MRPL3: variants seen among roughly 807,000 people sequenced by gnomAD.
The protein encoded by MRPL3 is large ribosomal subunit protein uL3m.
In MRPL3, 43 loss-of-function variants were observed where a neutral mutation model predicts 44.3. The ratio of observed to expected loss-of-function variants is 0.97; its 90% CI spans 0.76 to 1.25. MRPL3 has a LOEUF of 1.25. MRPL3 is among the 50% of genes most tolerant of loss of function. The probability of loss-of-function intolerance (pLI) is 0.00; values close to 1 mark genes in which losing one functional copy is unlikely to be tolerated. For missense variants in MRPL3, 406 were observed against 427.6 expected, an observed-to-expected ratio of 0.95 and a Z score of 0.45; for synonymous variants, 171 against 152.3, an observed-to-expected ratio of 1.12 and a Z score of -0.91.
In MRPL3 at chr3:131,480,133, G is replaced by A. The variant is rs147299326; in HGVS notation, c.629+7547C>T. ...CTTTTAACTCATGATGAACTAATATGGCACAAACATTTTAATCTTTTACTA... is the reference window on the plus strand; with the variant it reads ...CTTTTAACTCATGATGAACTAATATAGCACAAACATTTTAATCTTTTACTA... On this transcript the variant is annotated intron_variant, in intron 6 of 9. Transcript: ENST00000264995. 3.5e-3 allele frequency among the ~76,000 whole-genome samples: 535 copies of A among 152,316 alleles called. 4 individuals carry two copies. Among genetic ancestry groups the A allele is most frequent in the Non-Finnish European group, 5.8e-3 (392 of 68,030 alleles).
At chr3:131,469,140 A>C (rs1176799593) in intron 8 of MRPL3, among the ~76,000 whole-genome samples, 1 of 151,994 alleles carries the variant, frequency 6.6e-6, no homozygotes, top group Non-Finnish European at 1.5e-5. Context: ...ATTTTTTATA[A>C]AAACGGATGT....
rs1322740628 is a variant in MRPL3 at position 131,479,829 on chromosome 3, A to G, written c.629+7851T>C. ...CGCTGCACTCCAGCCTGGGCGAAAGAGCGAGACTCCGTCTCAAAAAAAAGA... is the reference window on the plus strand; with the variant it reads ...CGCTGCACTCCAGCCTGGGCGAAAGGGCGAGACTCCGTCTCAAAAAAAAGA... On this transcript the variant is annotated intron_variant, in intron 6 of 9. Transcript: ENST00000264995. Among the ~76,000 whole-genome samples the G allele has an allele frequency of 3.9e-5, 6 of 152,246 alleles. No homozygotes were observed. In the South Asian group the frequency reaches 1.0e-3, roughly 26 times the overall value.
intron 6 of MRPL3, among the ~76,000 whole-genome samples, chr3:131,484,904 C>T (rs2110706666): frequency 6.6e-6 from 1 of 152,278 alleles, no homozygotes; most frequent in Non-Finnish European, 1.5e-5. Flanking sequence ...GATATGCACA[C>T]ACACATGCGA....
In MRPL3 at chr3:131,462,565, T is replaced by A. The variant is rs1933512813; in HGVS notation, c.*158A>T. The stretch of plus-strand genomic sequence containing the variant: ...ATGTGGTAATTTTTCTAACAAAATT[T>A]AATGGGGGTATGAATGATATATTTA... On this transcript the variant is annotated 3_prime_UTR_variant, in exon 10 of 10. Coordinates refer to ENST00000264995, the MANE Select transcript of MRPL3 (RefSeq NM_007208.4). The A allele has an allele frequency of 9.0e-6, 5 of 552,834 alleles. No homozygotes were observed. The highest frequency in any genetic ancestry group is 1.1e-5 in the Non-Finnish European group (4 of 356,174). 34.2% of individuals were successfully genotyped at this position (552,834 alleles called of 1,614,324 possible).
At chr3:131,480,402 T>C (rs1365009489) in intron 6 of MRPL3, among the ~76,000 whole-genome samples, 1 of 152,224 alleles carries the variant, frequency 6.6e-6, no homozygotes, top group Non-Finnish European at 1.5e-5. Flanking sequence ...GGAATATCAA[T>C]ATAGCTGTTA....
At position 131,471,172 on chromosome 3, in the gene MRPL3, C is replaced by A. The variant is rs762328026; in HGVS notation, c.737G>T (p.Gly246Val). 6 of 1,605,960 alleles carry A rather than the reference C, an allele frequency of 3.7e-6. No individual in the cohort carries two copies. Among genetic ancestry groups the A allele is most frequent in the Non-Finnish European group, 4.3e-6 (5 of 1,173,370 alleles). Reference sequence around the variant, plus strand: ...AAGAGCTTCACTAGTTATACTCACACCAGTTGCAACAGCTCCAGGTCTCCT... The same window carrying A: ...AAGAGCTTCACTAGTTATACTCACAACAGTTGCAACAGCTCCAGGTCTCCT... ...THRRPGAVAT[G>V]DIGRVWPGTK... The change falls in exon 7 of 10, where the codon GGT becomes GTT. Residue 246 changes from glycine to valine, a missense_variant and splice_region_variant. Physicochemically the swap from Gly to Val is moderately radical, Grantham distance 109 (BLOSUM62 -3). Coordinates refer to ENST00000264995, the MANE Select transcript of MRPL3 (RefSeq NM_007208.4).
chr3:131,493,938 GAATAT>G (rs1385600394), intron 4 of MRPL3, among the ~76,000 whole-genome samples: 3 of 152,204 alleles, frequency 2.0e-5, no homozygotes, highest in African/African-American at 7.2e-5. Flanking sequence ...CTTGTTTGTA[GAATAT>G]AATATGTGAA....
intron 6 of MRPL3, among the ~76,000 whole-genome samples, chr3:131,481,457 C>T (rs1933984041): frequency 6.6e-6 from 1 of 152,158 alleles, no homozygotes; most frequent in African/African-American, 2.4e-5. Flanking sequence ...TGTAATATGG[C>T]TATGAAGTAC....
At chr3:131,497,404 G>A (rs1259598494) in intron 4 of MRPL3, among the ~76,000 whole-genome samples, 2 of 152,194 alleles carry the variant, frequency 1.3e-5, no homozygotes, top group Non-Finnish European at 2.9e-5. Flanking sequence ...ATAAACACCT[G>A]ATAGTTTTGA....
chr3:131,499,793 T>C lies in MRPL3; in HGVS notation c.369+637A>G, dbSNP rs111389558. Among the ~76,000 whole-genome samples, 905 of 152,254 alleles carry C rather than the reference T, an allele frequency of 5.9e-3. 12 individuals carry two copies. The highest frequency in any genetic ancestry group is 0.02 in the African/African-American group (846 of 41,550). ...GATAAAGACAATAGTAGCTAATATT[T>C]AGTGGACACTTAACATTGTTTCAAG... On this transcript the variant is annotated intron_variant, in intron 3 of 9. Transcript: ENST00000264995.
intron 5 of MRPL3, chr3:131,488,913 G>GT (rs1934188071): frequency 6.6e-6 from 1 of 151,938 alleles, no homozygotes; most frequent in Non-Finnish European, 1.5e-5. Flanking sequence ...TCAAAAAATA[G>GT]TATTAATTTT....
intron 9 of MRPL3, among the ~76,000 whole-genome samples, chr3:131,464,376 T>C (rs1439508725): frequency 2.0e-5 from 3 of 152,168 alleles, no homozygotes; most frequent in Admixed American, 6.6e-5. Flanking sequence ...GTAAATGACA[T>C]CTCAACCATT....
At chr3:131,465,280 G>A (rs1018798069) in intron 9 of MRPL3, among the ~76,000 whole-genome samples, 1 of 152,122 alleles carries the variant, frequency 6.6e-6, no homozygotes, top group Non-Finnish European at 1.5e-5. Context: ...AACTATTATC[G>A]ATTGAGAGTG....
At chr3:131,481,722 G>A (rs913316859) in intron 6 of MRPL3, among the ~76,000 whole-genome samples, 7 of 152,120 alleles carry the variant, frequency 4.6e-5, no homozygotes, top group African/African-American at 1.7e-4. Flanking sequence ...CATTCATTTT[G>A]ACTGATTTAA....
chr3:131,500,179 G>T (rs1305582446), intron 3 of MRPL3, among the ~76,000 whole-genome samples: 2 of 151,690 alleles, frequency 1.3e-5, no homozygotes, highest in Non-Finnish European at 2.9e-5. Context: ...TCTGTAAAAG[G>T]CTAGGTTATA....
At chr3:131,501,010 G>A (rs528800218) in intron 2 of MRPL3, among the ~76,000 whole-genome samples, 1 of 152,218 alleles carries the variant, frequency 6.6e-6, no homozygotes, top group Admixed American at 6.5e-5. Context: ...TCACTAAGAA[G>A]TTTTGGTAAC....
At chr3:131,471,123 AGAAGTT>A (rs1199284473) in intron 7 of MRPL3, 42 bp downstream of exon 7, 1 of 1,311,780 alleles carries the variant, frequency 7.6e-7, no homozygotes, top group Non-Finnish European at 1.1e-6. Context: ...CTACATGTGC[AGAAGTT>A]GAATATTTAG....
chr3:131,495,058 C>T (rs1186145016), intron 4 of MRPL3, among the ~76,000 whole-genome samples: 1 of 151,734 alleles, frequency 6.6e-6, no homozygotes, highest in Non-Finnish European at 1.5e-5. Flanking sequence ...TAATAAGGTA[C>T]AAAACAAAAA....
chr3:131,494,414 T>C (rs1482000687), intron 4 of MRPL3, among the ~76,000 whole-genome samples: 1 of 152,240 alleles, frequency 6.6e-6, no homozygotes, highest in Admixed American at 6.5e-5. Flanking sequence ...ATTATTTTCC[T>C]GATGTATAAA....
Sources: allele counts gnomAD v4.1 joint callset (sites outside exome capture counted in the v4.1 genomes callset), GRCh38; gene constraint gnomAD v4.1.1; transcripts MANE v1.5; gene names NCBI Gene and HGNC (gene_info 2026-07-23, HGNC 2026-07-21).